SAMMSON: variants seen among roughly 807,000 people sequenced by gnomAD.
The protein encoded by SAMMSON is survival associated mitochondrial melanoma specific oncogenic non-coding RNA.
intron 4 of SAMMSON, among the ~76,000 whole-genome samples, chr3:70,200,138 T>A (rs1164784750): frequency 6.6e-6 from 1 of 152,154 alleles, no homozygotes; most frequent in Non-Finnish European, 1.5e-5. Flanking sequence ...CACAAGCTGC[T>A]CACCACCTGC....
At chr3:70,036,212 C>G (rs1014545808) in intron 3 of SAMMSON, among the ~76,000 whole-genome samples, 1 of 152,118 alleles carries the variant, frequency 6.6e-6, no homozygotes, top group Admixed American at 6.6e-5. Context: ...TTATATGCCT[C>G]TATTCTAAGG....
At chr3:70,060,071 T>C (rs1187102644) in intron 3 of SAMMSON, among the ~76,000 whole-genome samples, 2 of 152,072 alleles carry the variant, frequency 1.3e-5, no homozygotes, top group Non-Finnish European at 2.9e-5. Context: ...TCAGGGAGAT[T>C]GTTGATCTTG....
At chr3:70,044,897 A>C (rs1425550868) in intron 3 of SAMMSON, among the ~76,000 whole-genome samples, 2 of 145,730 alleles carry the variant, frequency 1.4e-5, no homozygotes, top group Non-Finnish European at 3.0e-5. Flanking sequence ...AATTATATTA[A>C]AATATTACAT....
chr3:70,328,723 G>A (rs1205309323), intron 7 of SAMMSON, among the ~76,000 whole-genome samples: 1 of 152,156 alleles, frequency 6.6e-6, no homozygotes, highest in African/African-American at 2.4e-5. Flanking sequence ...CACCCAGAGA[G>A]TGATGCAGTG....
chr3:70,268,634 G>T (rs1300497382), intron 6 of SAMMSON, among the ~76,000 whole-genome samples: 1 of 152,108 alleles, frequency 6.6e-6, no homozygotes, highest in Non-Finnish European at 1.5e-5. Flanking sequence ...TTGACATGTA[G>T]CTTTCTTTGT....
At chr3:70,407,863 G>A (rs1701188806) in intron 2 of SAMMSON, among the ~76,000 whole-genome samples, 1 of 152,226 alleles carries the variant, frequency 6.6e-6, no homozygotes, top group Non-Finnish European at 1.5e-5. Flanking sequence ...TTTCCCTTCT[G>A]CACTGCCCTA....
At chr3:70,106,861 C>T (rs2067369086) in intron 4 of SAMMSON, among the ~76,000 whole-genome samples, 1 of 152,074 alleles carries the variant, frequency 6.6e-6, no homozygotes, top group Admixed American at 6.5e-5. Flanking sequence ...AAATTAATCC[C>T]CAGTACTGCT....
intron 4 of SAMMSON, among the ~76,000 whole-genome samples, chr3:70,221,587 T>C (rs1375082841): frequency 6.6e-6 from 1 of 152,090 alleles, no homozygotes; most frequent in Non-Finnish European, 1.5e-5. Context: ...TGTCAACAGA[T>C]AGCTTACCTA....
In SAMMSON at chr3:70,085,623, C is replaced by G. The variant is rs1024737700; in HGVS notation, n.507+14058C>G. 5.3e-5 allele frequency among the ~76,000 whole-genome samples: 8 copies of G among 152,174 alleles called. 1 individual carries two copies. Among genetic ancestry groups the G allele is most frequent in the African/African-American group, 1.4e-4 (6 of 41,446 alleles). ...AGGAAGTCACTCTTCCTCCCAAACT[C>G]CTGACTTACCCAAATTTTATGAATA... On this transcript the variant is annotated intron_variant and non_coding_transcript_variant, in intron 4 of 9. Coordinates refer to ENST00000642114, the Ensembl canonical transcript of SAMMSON.
chr3:70,033,928 A>G (rs2067075041), intron 3 of SAMMSON, among the ~76,000 whole-genome samples: 1 of 152,134 alleles, frequency 6.6e-6, no homozygotes, highest in African/African-American at 2.4e-5. Flanking sequence ...TGGGCACGCA[A>G]AATCTGAACA....
intron 2 of SAMMSON, among the ~76,000 whole-genome samples, chr3:70,420,739 T>G (rs1036850576): frequency 6.6e-6 from 1 of 152,118 alleles, no homozygotes; most frequent in Non-Finnish European, 1.5e-5. Flanking sequence ...TGGACAGAGA[T>G]TGTTGGTTTA....
intron 4 of SAMMSON, chr3:70,084,662 C>A (rs942071391): frequency 6.6e-6 from 1 of 152,242 alleles, no homozygotes; most frequent in East Asian, 1.9e-4. Flanking sequence ...TTTCCCTCCC[C>A]ATTAATTCTA....
At chr3:70,348,527 C>G (rs1702769372) in intron 7 of SAMMSON, among the ~76,000 whole-genome samples, 1 of 152,094 alleles carries the variant, frequency 6.6e-6, no homozygotes, top group African/African-American at 2.4e-5. Flanking sequence ...TATAAGAGCC[C>G]TAATCCAATC....
At chr3:70,062,664 G>A (rs2067194552) in intron 3 of SAMMSON, among the ~76,000 whole-genome samples, 1 of 151,956 alleles carries the variant, frequency 6.6e-6, no homozygotes, top group Non-Finnish European at 1.5e-5. Context: ...TCCCTCTAAT[G>A]TCTCCTCTCT....
intron 2 of SAMMSON, among the ~76,000 whole-genome samples, chr3:70,415,613 C>A (rs569850367): frequency 6.6e-6 from 1 of 152,214 alleles, no homozygotes; most frequent in African/African-American, 2.4e-5. Context: ...TGTTTTTAGG[C>A]TTTCAATATG....
At chr3:70,170,384 C>T (rs1700932247) in intron 4 of SAMMSON, among the ~76,000 whole-genome samples, 1 of 151,590 alleles carries the variant, frequency 6.6e-6, no homozygotes, top group African/African-American at 2.4e-5. Flanking sequence ...ATAGAGGTTC[C>T]TGAATGTCTG....
intron 2 of SAMMSON, among the ~76,000 whole-genome samples, chr3:70,431,847 T>C (rs1342676464): frequency 6.6e-6 from 1 of 152,076 alleles, no homozygotes; most frequent in African/African-American, 2.4e-5. Flanking sequence ...CATGTATTTT[T>C]CAGGTTCTGA....
At chr3:70,289,706 C>A (rs1228258362) in intron 6 of SAMMSON, among the ~76,000 whole-genome samples, 3 of 152,056 alleles carry the variant, frequency 2.0e-5, no homozygotes, top group African/African-American at 4.8e-5. Flanking sequence ...CCAATCAGAC[C>A]TAGATTTGGT....
intron 4 of SAMMSON, among the ~76,000 whole-genome samples, chr3:70,115,210 CAAAAAA>C (rs11456109): frequency 5.1e-5 from 6 of 117,536 alleles, no homozygotes; most frequent in Admixed American, 1.8e-4. Flanking sequence ...CTCTATTTTC[CAAAAAA>C]AAAAAAAAAA....
Sources: allele counts gnomAD v4.1 joint callset (sites outside exome capture counted in the v4.1 genomes callset), GRCh38; gene constraint gnomAD v4.1.1; transcripts MANE v1.5; gene names NCBI Gene and HGNC (gene_info 2026-07-23, HGNC 2026-07-21).